Variants in PAX6 observed in about 807,000 individuals in gnomAD.
PAX6 encodes paired box 6.
PAX6 carries 7 observed loss-of-function variants against 60.7 expected under a neutral mutation model. That is an observed-to-expected ratio of 0.12 (90% confidence interval 0.07 to 0.22). The LOEUF (loss-of-function observed/expected upper bound fraction) is 0.22. PAX6 is among the 10% of genes least tolerant of loss of function. The probability of loss-of-function intolerance (pLI) is 1.00; values close to 1 mark genes in which losing one functional copy is unlikely to be tolerated. For synonymous variants in PAX6, 208 were observed against 201.2 expected, an observed-to-expected ratio of 1.03 and a Z score of -0.29; for missense variants, 355 against 555.2, an observed-to-expected ratio of 0.64 and a Z score of 3.62.
chr11:31,798,605 C>A (rs1383399975), intron 8 of PAX6, among the ~76,000 whole-genome samples: 1 of 152,168 alleles, frequency 6.6e-6, no homozygotes, highest in Non-Finnish European at 1.5e-5. Context: ...CCCCACGCAA[C>A]TAGGGGCGAC....
intron 8 of PAX6, among the ~76,000 whole-genome samples, chr11:31,797,596 CCCG>C (rs142305278): frequency 0.026 from 3,900 of 152,034 alleles, 174 homozygotes; most frequent in African/African-American, 0.09. Flanking sequence ...CCTTCTCTAC[CCCG>C]CGGGGAGAGC....
intron 8 of PAX6, among the ~76,000 whole-genome samples, chr11:31,797,180 C>G (rs1354408201): frequency 6.6e-6 from 1 of 152,090 alleles, no homozygotes; most frequent in Non-Finnish European, 1.5e-5. Context: ...TGCCCATCTC[C>G]CCATGGCCAC....
At chr11:31,800,640 G>A in intron 8 of PAX6, 51 bp downstream of exon 8, 1 of 1,601,740 alleles carries the variant, frequency 6.2e-7, no homozygotes, top group Non-Finnish European at 8.5e-7. Context: ...TAGGGGACAG[G>A]CAAAGGGATG....
At chr11:31,790,924 T>C (rs1442213395) in intron 12 of PAX6, 64 bp from the exon 13 acceptor site, 1 of 1,555,282 alleles carries the variant, frequency 6.4e-7, no homozygotes, top group East Asian at 2.3e-5. Context: ...AGCCCCAGGC[T>C]CCCTCCTCCC....
At chr11:31,806,231 C>T (rs1955759731) in intron 4 of PAX6, 171 bp downstream of exon 4, 2 of 626,510 alleles carry the variant, frequency 3.2e-6, no homozygotes, top group Non-Finnish European at 5.3e-6. Context: ...AGCAAACGCC[C>T]TCCCCTCCCG....
At chr11:31,803,785 T>A (rs778607054) in intron 4 of PAX6, 3 of 152,548 alleles carry the variant, frequency 2.0e-5, no homozygotes, top group Non-Finnish European at 2.9e-5. Flanking sequence ...TACCACATCA[T>A]AGTGTTCCCC....
chr11:31,804,724 CGA>C (rs1592588611), intron 4 of PAX6: 1 of 152,396 alleles, frequency 6.6e-6, no homozygotes, highest in East Asian at 1.9e-4. Context: ...AGAAAGAGAC[CGA>C]GAGAGACTTT....
chr11:31,806,233 C>T (rs1955760383), intron 4 of PAX6, 169 bp downstream of exon 4: 1 of 633,486 alleles, frequency 1.6e-6, no homozygotes, highest in Non-Finnish European at 2.6e-6. Context: ...CAAACGCCCT[C>T]CCCTCCCGGG....
chr11:31,792,705 G>T (rs1374106493), intron 12 of PAX6: 5 of 163,304 alleles, frequency 3.1e-5, no homozygotes, highest in Admixed American at 1.1e-4. Flanking sequence ...TGAACCTAGT[G>T]CAGGACCTCT....
At chr11:31,793,850 G>GC in intron 10 of PAX6, 48 bp from the exon 11 acceptor site, 1 of 1,611,074 alleles carries the variant, frequency 6.2e-7, no homozygotes, top group East Asian at 2.2e-5. Flanking sequence ...GTCGAGCCCA[G>GC]CCCCACCTTG....
intron 8 of PAX6, among the ~76,000 whole-genome samples, chr11:31,795,394 G>A (rs1308051322): frequency 1.3e-5 from 2 of 152,236 alleles, no homozygotes; most frequent in Admixed American, 6.5e-5. Flanking sequence ...AGTGCGCTTC[G>A]CCTTGACACC....
intron 3 of PAX6, 158 bp from the exon 4 acceptor site, chr11:31,806,620 G>C (rs1336310897): frequency 1.6e-6 from 1 of 612,430 alleles, no homozygotes; most frequent in African/African-American, 1.8e-5. Flanking sequence ...ACTCAGCTCT[G>C]CCCTGCAGTG....
intron 8 of PAX6, among the ~76,000 whole-genome samples, chr11:31,797,791 A>T (rs1952101458): frequency 6.6e-6 from 1 of 152,192 alleles, no homozygotes; most frequent in Non-Finnish European, 1.5e-5. Context: ...CCCCCACGAT[A>T]AACCTAAGTG....
intron 2 of PAX6, chr11:31,810,284 C>A (rs1565275217): frequency 6.6e-6 from 1 of 152,272 alleles, no homozygotes; most frequent in Non-Finnish European, 1.5e-5. Flanking sequence ...CGGCACAAAG[C>A]CCGAGGGCCG....
Position 31,801,905 on chromosome 11 carries a change from G to C in PAX6, c.149C>G (p.Ala50Gly). The change falls in exon 6 of 14, where the codon GCA becomes GGA. Residue 50 changes from alanine (A) to glycine (G), a missense_variant. Ala to Gly is a moderately conservative substitution (Grantham distance 60). Coordinates refer to ENST00000640368, the MANE Select transcript of PAX6 (RefSeq NM_001368894.2). ...GTCCAGCACTTGGACTTTTGCATCTGCATGGGTCTATAACACAAAAATATA... is the reference window on the plus strand; with the variant it reads ...GTCCAGCACTTGGACTTTTGCATCTCCATGGGTCTATAACACAAAAATATA... ...CDISRILQTH[A>G]DAKVQVLDNQ... 1 of 1,613,634 alleles carries C rather than the reference G, an allele frequency of 6.2e-7. No individual in the cohort carries two copies. The highest frequency in any genetic ancestry group is 8.5e-7 in the Non-Finnish European group (1 of 1,179,582).
intron 4 of PAX6, chr11:31,804,944 G>A (rs1423219321): frequency 2.0e-5 from 3 of 152,384 alleles, no homozygotes; most frequent in African/African-American, 7.2e-5. Flanking sequence ...GAGAGAAAGC[G>A]CAGCTCCAAA....
At chr11:31,802,669 GGGGGCGGCGAGT>G (rs756750240) in intron 5 of PAX6, 23 bp downstream of exon 5, 3 of 1,598,716 alleles carry the variant, frequency 1.9e-6, no homozygotes, top group African/African-American at 1.3e-5. Context: ...GGAGGGCCGC[GGGGGCGGCGAGT>G]GGGGCGGCGC....
intron 8 of PAX6, among the ~76,000 whole-genome samples, chr11:31,799,771 C>T (rs1012824388): frequency 3.9e-5 from 6 of 152,202 alleles, no homozygotes; most frequent in African/African-American, 1.2e-4. Flanking sequence ...GCCCCGAGCC[C>T]CTCGGCTCCG....
intron 1 of PAX6, among the ~76,000 whole-genome samples, chr11:31,816,860 C>T (rs1189282505): frequency 6.6e-6 from 1 of 152,252 alleles, no homozygotes; most frequent in African/African-American, 2.4e-5. Context: ...GCCCCAAACT[C>T]CCGGGCGGGG....
Sources: allele counts gnomAD v4.1 joint callset (sites outside exome capture counted in the v4.1 genomes callset), GRCh38; gene constraint gnomAD v4.1.1; transcripts MANE v1.5; gene names NCBI Gene and HGNC (gene_info 2026-07-23, HGNC 2026-07-21).